The following CMIP variants were observed in gnomAD, a reference collection of about 807,000 sequenced individuals.
CMIP encodes the protein c-Maf inducing protein, also known as C-Maf-inducing protein.
A neutral mutation model predicts 97.3 loss-of-function variants in CMIP; 13 were observed. The observed-to-expected ratio is 0.13, with a 90% CI of 0.09 to 0.21. CMIP has a LOEUF of 0.21. Ranked by LOEUF, CMIP falls within the 10% of genes least tolerant of loss-of-function variation. The pLI is 1.00. For missense variants in CMIP, 847 were observed against 1,024.9 expected (o/e 0.83, Z 2.37); for synonymous variants, 538 against 436.3 (o/e 1.23, Z -2.91).
chr16:81,543,278 AC>A (rs1359930267), intron 1 of CMIP, among the ~76,000 whole-genome samples: 6 of 152,064 alleles, frequency 3.9e-5, no homozygotes, highest in Admixed American at 3.3e-4. Context: ...GCTGGAAGAC[AC>A]CCTCTCCTCC....
At chr16:81,706,910 C>T (rs968544238) in intron 19 of CMIP, 104 bp from the exon 20 acceptor site, 1 of 923,752 alleles carries the variant, frequency 1.1e-6, no homozygotes, top group African/African-American at 1.6e-5. Context: ...CATCTCCTAA[C>T]AGGGGGCCTG....
intron 1 of CMIP, among the ~76,000 whole-genome samples, chr16:81,597,805 G>C (rs559331691): frequency 6.6e-6 from 1 of 152,110 alleles, no homozygotes; most frequent in Non-Finnish European, 1.5e-5. Flanking sequence ...CCACACTCAA[G>C]GACACAGATT....
chr16:81,603,297 G>T (rs2091688115), intron 1 of CMIP: 1 of 430,028 alleles, frequency 2.3e-6, no homozygotes, highest in Admixed American at 2.5e-5. Flanking sequence ...TAGCCAGGAT[G>T]GTCTCGATCA....
intron 1 of CMIP, among the ~76,000 whole-genome samples, chr16:81,560,689 A>G (rs1453277964): frequency 5.3e-5 from 8 of 152,310 alleles, no homozygotes; most frequent in Admixed American, 1.3e-4. Context: ...TGCTCTGTAC[A>G]GGTAAATCGT....
chr16:81,678,677 T>G lies in CMIP; in HGVS notation c.1388+49T>G, dbSNP rs773548481. On this transcript the variant is annotated intron_variant, in intron 10 of 20. Transcript: ENST00000537098. ...GCCCCCGGGGCCGGTGGGAGGAGACTGGGCTTTGCTGCTGGGTGCGGCTGT... is the reference window on the plus strand; with the variant it reads ...GCCCCCGGGGCCGGTGGGAGGAGACGGGGCTTTGCTGCTGGGTGCGGCTGT... 17 of 845,930 alleles carry G rather than the reference T, an allele frequency of 2.0e-5. No homozygotes were observed. The Admixed American group carries it at 3.5e-4, about 17-fold the overall frequency. The allele number at this position is 845,930 out of a possible 1,614,324, so 52.4% of individuals were successfully genotyped here.
chr16:81,617,627 A>G (rs1315387364), intron 2 of CMIP: 1 of 152,262 alleles, frequency 6.6e-6, no homozygotes, highest in Non-Finnish European at 1.5e-5. Context: ...GTCATTCTCT[A>G]CCACCTGTGA....
chr16:81,548,980 C>T (rs1017174650), intron 1 of CMIP, among the ~76,000 whole-genome samples: 4 of 152,246 alleles, frequency 2.6e-5, no homozygotes, highest in Admixed American at 2.0e-4. Context: ...GACTTGGCAC[C>T]ACAGCTGGAC....
At position 81,445,006 on chromosome 16, in the gene CMIP, C is replaced by G. The variant is rs974376765; in HGVS notation, c.-236C>G. ...CGGTCAGCCGCCGCGAGCATGCACC[C>G]GACGAGCTAGGAGGAAGCCCGGAGC... On this transcript the variant is annotated 5_prime_UTR_variant, in exon 1 of 21. Coordinates refer to ENST00000537098, the MANE Select transcript of CMIP (RefSeq NM_198390.3). 2.1e-5 allele frequency among the ~76,000 whole-genome samples: 3 copies of G among 145,600 alleles called. No homozygotes were observed. The highest frequency in any genetic ancestry group is 5.0e-5 in the African/African-American group (2 of 40,282).
intron 1 of CMIP, among the ~76,000 whole-genome samples, chr16:81,531,193 A>T (rs866777055): frequency 7.2e-5 from 11 of 152,148 alleles, no homozygotes; most frequent in Admixed American, 5.2e-4. Flanking sequence ...GATGAGGGAA[A>T]CTTAGACACA....
intron 1 of CMIP, among the ~76,000 whole-genome samples, chr16:81,574,616 A>T (rs1182769537): frequency 6.6e-6 from 1 of 152,252 alleles, no homozygotes; most frequent in African/African-American, 2.4e-5. Flanking sequence ...TGTAAGAAAG[A>T]GCCTTCGAGT....
At chr16:81,699,996 C>G (rs544312470) in intron 15 of CMIP, among the ~76,000 whole-genome samples, 195 bp downstream of exon 15, 7 of 152,314 alleles carry the variant, frequency 4.6e-5, no homozygotes, top group Admixed American at 1.3e-4. Context: ...TGTTGTGATC[C>G]AGCTGATCCA....
At position 81,678,643 on chromosome 16, in the gene CMIP, C is replaced by T. The variant is rs375731075; in HGVS notation, c.1388+15C>T. 4.1e-5 allele frequency: 54 copies of T among 1,327,204 alleles called. No homozygotes were observed. Among genetic ancestry groups the T allele is most frequent in the Middle Eastern group, 4.1e-4 (2 of 4,830 alleles). The allele number at this position is 1,327,204 out of a possible 1,614,324, so 82.2% of individuals were successfully genotyped here. On this transcript the variant is annotated intron_variant, in intron 10 of 20. Coordinates refer to ENST00000537098, the MANE Select transcript of CMIP (RefSeq NM_198390.3). Reference sequence around the variant, plus strand: ...CTCAAGCTGCTGTGAGTGCCCCCCCCGCGTGCCCGCCCCCGGGGCCGGTGG... The same window carrying T: ...CTCAAGCTGCTGTGAGTGCCCCCCCTGCGTGCCCGCCCCCGGGGCCGGTGG...
Position 81,445,634 on chromosome 16 carries a change from G to A in CMIP, c.300+93G>A. ...CCCCTGGCGCTGCACCTGGAGCCCA[G>A]GGCCTGGGGGGCGGTGGGGGGTGCC... On this transcript the variant is annotated intron_variant, in intron 1 of 20. Transcript: ENST00000537098. The A allele has an allele frequency of 4.4e-6, 6 of 1,359,540 alleles. No homozygotes were observed. The South Asian group carries it at 8.6e-5, about 19-fold the overall frequency. 84.2% of individuals were successfully genotyped at this position (1,359,540 alleles called of 1,614,324 possible).
At chr16:81,603,310 G>C (rs1157695954) in intron 1 of CMIP, 1 of 443,902 alleles carries the variant, frequency 2.3e-6, no homozygotes, top group African/African-American at 2.0e-5. Flanking sequence ...CTCGATCAAG[G>C]TGACGTCATG....
Position 81,710,143 on chromosome 16 carries a change from G to A in CMIP, c.*344G>A, listed in dbSNP as rs984609246. ...CTTTGCCTTTGTGTTTGATGCCGTC[G>A]TGTGGGAAAAGTCAACTCCGATGCC... On this transcript the variant is annotated 3_prime_UTR_variant, in exon 21 of 21. Coordinates refer to ENST00000537098, the MANE Select transcript of CMIP (RefSeq NM_198390.3). 4.7e-5 allele frequency: 15 copies of A among 320,958 alleles called. 1 individual carries two copies. The highest frequency in any genetic ancestry group is 4.6e-4 in the South Asian group (12 of 25,994). The allele number at this position is 320,958 out of a possible 1,614,324, so 19.9% of individuals were successfully genotyped here.
intron 1 of CMIP, among the ~76,000 whole-genome samples, chr16:81,502,779 A>C (rs559335845): frequency 5.9e-5 from 9 of 152,372 alleles, no homozygotes; most frequent in African/African-American, 2.2e-4. Context: ...GAATGCAAAA[A>C]ACAAAACAAA....
chr16:81,465,077 G>A (rs867939417), intron 1 of CMIP, among the ~76,000 whole-genome samples: 17 of 152,002 alleles, frequency 1.1e-4, no homozygotes, highest in Admixed American at 2.0e-4. Context: ...ATCTACGAGC[G>A]GACATTTATT....
intron 1 of CMIP, among the ~76,000 whole-genome samples, chr16:81,514,432 G>A (rs994587555): frequency 9.9e-5 from 15 of 152,180 alleles, no homozygotes; most frequent in African/African-American, 3.6e-4. Context: ...AGTGTGACGA[G>A]ACCATCCAGG....
intron 1 of CMIP, among the ~76,000 whole-genome samples, chr16:81,475,551 A>G (rs1218484018): frequency 2.0e-5 from 3 of 152,184 alleles, no homozygotes; most frequent in South Asian, 2.1e-4. Flanking sequence ...CAACTCTGCA[A>G]TCCAGCTAGG....
Sources: gnomAD v4.1 joint callset for allele counts (sites outside exome capture counted in the v4.1 genomes callset) on GRCh38, gnomAD v4.1.1 for gene constraint, MANE v1.5 for transcripts, NCBI Gene and HGNC (gene_info 2026-07-23, HGNC 2026-07-21) for gene names.